The following MUS81 variants were observed in gnomAD, a reference collection of about 807,000 sequenced individuals.
MUS81 encodes structure-specific endonuclease subunit MUS81.
A neutral mutation model predicts 74.2 loss-of-function variants in MUS81; 69 were observed. That is an observed-to-expected ratio of 0.93 (90% CI 0.77 to 1.14). The LOEUF (loss-of-function observed/expected upper bound fraction) is 1.14. Among genes scored for constraint, MUS81 ranks in the 50% most tolerant of loss-of-function variants. MUS81 has a pLI of 0.00. For synonymous variants in MUS81, 303 were observed against 300.6 expected (o/e 1.01, Z -0.08); for missense variants, 711 against 726.5 (o/e 0.98, Z 0.25).
At position 65,860,536 on chromosome 11, in the gene MUS81, GACCA is replaced by G; in HGVS notation, c.-213_-210del. 1 of 625,624 alleles carries G rather than the reference GACCA, an allele frequency of 1.6e-6. No homozygotes were observed. The highest frequency in any genetic ancestry group is 2.8e-6 in the Non-Finnish European group (1 of 357,868). The allele number at this position is 625,624 out of a possible 1,614,324, so 38.8% of individuals were successfully genotyped here. ...AAAGATCGTTAGAGACAGCGCCCCT[GACCA>G]ACCACTTAGAGCAGCGCAGGGGTGG... On this transcript the variant is annotated 5_prime_UTR_variant, in exon 1 of 16. Coordinates refer to ENST00000308110, the MANE Select transcript of MUS81 (RefSeq NM_025128.5).
At position 65,863,619 on chromosome 11, in the gene MUS81, C is replaced by G; in HGVS notation, c.859C>G (p.Leu287Val). 6.2e-7 allele frequency: 1 copy of G among 1,614,006 alleles called. No homozygotes were observed. Among genetic ancestry groups the G allele is most frequent in the Middle Eastern group, 1.6e-4 (1 of 6,062 alleles). Residue 287 changes from leucine (L) to valine (V), a missense_variant, in exon 9 of 16, where the codon CTG (leucine) becomes GTG (valine). Coordinates refer to ENST00000308110, the MANE Select transcript of MUS81 (RefSeq NM_025128.5). Reference sequence around the variant, plus strand: ...CTCCAGGGGCGGGCACAGGCCGGAGCTGCTCCGAGAGCTACAGCGGCTGCA... The same window carrying G: ...CTCCAGGGGCGGGCACAGGCCGGAGGTGCTCCGAGAGCTACAGCGGCTGCA... ...ETRGGGHRPE[L>V]LRELQRLHVT...
At chr11:65,865,437 A>T in intron 14 of MUS81, 114 bp downstream of exon 14, 2 of 1,076,448 alleles carry the variant, frequency 1.9e-6, no homozygotes, top group Non-Finnish European at 1.3e-6. Context: ...TGCAGACCAG[A>T]GATAGACAGA....
At position 65,864,302 on chromosome 11, in the gene MUS81, A is replaced by G. The variant is rs1473859366; in HGVS notation, c.1060-195A>G. 4.9e-6 allele frequency: 3 copies of G among 615,880 alleles called. No individual in the cohort carries two copies. In the Admixed American group the frequency reaches 8.1e-5, roughly 17 times the overall value. The allele number at this position is 615,880 out of a possible 1,614,324, so 38.2% of individuals were successfully genotyped here. On this transcript the variant is annotated intron_variant, in intron 10 of 15. Coordinates refer to ENST00000308110, the MANE Select transcript of MUS81 (RefSeq NM_025128.5). ...TGGGCAGTGTTGAGAGATGGAGAAA[A>G]GGCTTTCTAGACAAGAGTGTCAGCA...
At chr11:65,862,805 CGAG>C (rs1422120857) in intron 6 of MUS81, among the ~76,000 whole-genome samples, 2 of 152,136 alleles carry the variant, frequency 1.3e-5, no homozygotes, top group Non-Finnish European at 2.9e-5. Context: ...ATAAGTATTC[CGAG>C]GAGGAGGAAA....
At chr11:65,866,970 C>G (rs766995796), downstream of MUS81, 8 of 1,614,164 alleles carry the variant, frequency 5.0e-6, no homozygotes, top group Non-Finnish European at 6.8e-6. Flanking sequence ...AGAGCTGGCC[C>G]GGTAGCTCAT....
Position 65,864,944 on chromosome 11 carries a change from T to G in MUS81, c.1273-73T>G, listed in dbSNP as rs1859761743. On this transcript the variant is annotated intron_variant, in intron 12 of 15. Coordinates refer to ENST00000308110, the MANE Select transcript of MUS81 (RefSeq NM_025128.5). ...ATTTCTCAGGCTGGCCCCCCAAGGC[T>G]GAGGACTGGGCAGGGGCTGGCTGGA... 32 of 1,598,426 alleles carry G rather than the reference T, an allele frequency of 2.0e-5. 1 individual carries two copies. The South Asian group carries it at 3.2e-4, about 16-fold the overall frequency.
At position 65,860,601 on chromosome 11, in the gene MUS81, CCT is replaced by C; in HGVS notation, c.-152_-151del. On this transcript the variant is annotated 5_prime_UTR_variant, in exon 1 of 16. Transcript: ENST00000308110. ...GCAGGCTCTCCTCTCGTTAGTGCCC[CCT>C]GTGTTTGGGGCCCCGTGATCTCAAC... 1 of 1,036,564 alleles carries C rather than the reference CCT, an allele frequency of 9.6e-7. No homozygotes were observed. The highest frequency in any genetic ancestry group is 1.4e-6 in the Non-Finnish European group (1 of 705,326). 64.2% of individuals were successfully genotyped at this position (1,036,564 alleles called of 1,614,324 possible).
chr11:65,867,150 C>G (rs959740047), downstream of MUS81: 3 of 1,589,596 alleles, frequency 1.9e-6, no homozygotes, highest in African/African-American at 4.0e-5. Flanking sequence ...CCCAGCGTCA[C>G]CTCCCTGCCC....
intron 3 of MUS81, 35 bp downstream of exon 3, chr11:65,861,470 G>A (rs1258418624): frequency 6.5e-7 from 1 of 1,530,890 alleles, no homozygotes; most frequent in East Asian, 2.4e-5. Flanking sequence ...AAGGCAAAGT[G>A]GGAGTGCGGG....
rs995877938 is a variant in MUS81, at chr11:65,861,005, G to A, written c.168G>A (p.Pro56=). Residue 56 remains proline, a synonymous_variant, in exon 2 of 16, where the codon CCG becomes CCA. Transcript: ENST00000308110. The stretch of plus-strand genomic sequence containing the variant: ...GTTCCCTCCGACGGTACCCACTGCC[G>A]CTGCGCAGCGGGAAGGAAGCTAAGA... The part of the protein sequence containing the change: ...ALRSLRRYPL[P]LRSGKEAKIL... 5.0e-6 allele frequency: 8 copies of A among 1,612,388 alleles called. No homozygotes were observed. The highest frequency in any genetic ancestry group is 4.0e-5 in the African/African-American group (3 of 74,936).
rs763964386 is a variant in MUS81 at position 65,864,830 on chromosome 11, C to T, written c.1272+15C>T. 6.2e-7 allele frequency: 1 copy of T among 1,609,438 alleles called. No homozygotes were observed. Among genetic ancestry groups the T allele is most frequent in the Admixed American group, 1.7e-5 (1 of 59,770 alleles). On this transcript the variant is annotated intron_variant, in intron 12 of 15. Transcript: ENST00000308110. ...GACTCTACCAGGTGAGCAGAGGCCCCTTTCCCAGTGTCGGGACAGAGCCCA... is the reference window on the plus strand; with the variant it reads ...GACTCTACCAGGTGAGCAGAGGCCCTTTTCCCAGTGTCGGGACAGAGCCCA...
At position 65,860,598 on chromosome 11, in the gene MUS81, C is replaced by A; in HGVS notation, c.-156C>A. ...GCCGCAGGCTCTCCTCTCGTTAGTG[C>A]CCCCTGTGTTTGGGGCCCCGTGATC... On this transcript the variant is annotated 5_prime_UTR_variant, in exon 1 of 16. Transcript: ENST00000308110. The A allele has an allele frequency of 1.0e-6, 1 of 975,616 alleles. No homozygotes were observed. The highest frequency in any genetic ancestry group is 1.5e-6 in the Non-Finnish European group (1 of 651,422). The allele number at this position is 975,616 out of a possible 1,614,324, so 60.4% of individuals were successfully genotyped here.
chr11:65,860,661 C>G lies in MUS81; in HGVS notation c.-93C>G. The G allele has an allele frequency of 6.6e-7, 1 of 1,514,504 alleles. No individual in the cohort carries two copies. Among genetic ancestry groups the G allele is most frequent in the East Asian group, 2.5e-5 (1 of 40,684 alleles). The allele number at this position is 1,514,504 out of a possible 1,614,324, so 93.8% of individuals were successfully genotyped here. A position where few individuals can be genotyped will look rare whatever the true frequency, so the allele number is the denominator to read the frequency against. The stretch of plus-strand genomic sequence containing the variant: ...CCCTCGGTCTCCCTCTTCCCCCGCC[C>G]CGCCCTGGGCCAGGTGTTCGAATCC... On this transcript the variant is annotated 5_prime_UTR_variant, in exon 1 of 16. Transcript: ENST00000308110.
intron 6 of MUS81, 107 bp from the exon 7 acceptor site, chr11:65,862,958 G>A: frequency 6.8e-7 from 1 of 1,461,412 alleles, no homozygotes; most frequent in Non-Finnish European, 9.5e-7. Flanking sequence ...GGTCATTTGT[G>A]CAGGGCGCCA....
rs1252000523 is a variant in MUS81, at chr11:65,860,658, G to T, written c.-96G>T. The T allele has an allele frequency of 6.6e-7, 1 of 1,507,878 alleles. No homozygotes were observed. Among genetic ancestry groups the T allele is most frequent in the African/African-American group, 1.4e-5 (1 of 72,454 alleles). 93.4% of individuals were successfully genotyped at this position (1,507,878 alleles called of 1,614,324 possible). A position where few individuals can be genotyped will look rare whatever the true frequency, so the allele number is the denominator to read the frequency against. On this transcript the variant is annotated 5_prime_UTR_variant, in exon 1 of 16. Coordinates refer to ENST00000308110, the MANE Select transcript of MUS81 (RefSeq NM_025128.5). ...CTGCCCTCGGTCTCCCTCTTCCCCC[G>T]CCCCGCCCTGGGCCAGGTGTTCGAA...
chr11:65,865,267 C>T lies in MUS81; in HGVS notation c.1449C>T (p.Arg483=), dbSNP rs750852804. 12 of 1,614,018 alleles carry T rather than the reference C, an allele frequency of 7.4e-6. No homozygotes were observed. Among genetic ancestry groups the T allele is most frequent in the Admixed American group, 3.3e-5 (2 of 60,002 alleles). ...TTGCCCGGCAGCTGATGCAGGTGCG[C>T]GGAGTGAGTGGGGAGAAGGCAGCAG... ...EVFARQLMQV[R]GVSGEKAAAL... is the part of the protein sequence containing the mutation. The change falls in exon 14 of 16, where the codon CGC becomes CGT. Residue 483 remains arginine (R), a synonymous_variant. Transcript: ENST00000308110.
At chr11:65,860,303 C>T (rs916797187), upstream of MUS81, 2 of 460,150 alleles carry the variant, frequency 4.3e-6, no homozygotes, top group African/African-American at 4.0e-5. Context: ...AGCTGACAAT[C>T]TTAAGAGACC....
chr11:65,860,303 C>A (rs916797187), upstream of MUS81: 2 of 460,268 alleles, frequency 4.3e-6, no homozygotes, highest in East Asian at 1.4e-4. Context: ...AGCTGACAAT[C>A]TTAAGAGACC....
downstream of MUS81, chr11:65,867,146 G>A (rs991819631): frequency 4.8e-5 from 77 of 1,595,826 alleles, no homozygotes; most frequent in African/African-American, 3.1e-4. Flanking sequence ...CTGCCCCAGC[G>A]TCACCTCCCT....
Sources: gnomAD v4.1 joint callset for allele counts (sites outside exome capture counted in the v4.1 genomes callset) on GRCh38, gnomAD v4.1.1 for gene constraint, MANE v1.5 for transcripts, NCBI Gene and HGNC (gene_info 2026-07-23, HGNC 2026-07-21) for gene names.